RAD51B: variants seen among roughly 807,000 people sequenced by gnomAD.
The protein encoded by RAD51B is DNA repair protein RAD51 homolog 2.
Under a neutral mutation model 42.2 loss-of-function variants are expected in RAD51B, and 38 were observed. That is an observed-to-expected ratio of 0.90 (90% CI 0.70 to 1.18). RAD51B has a LOEUF of 1.18. Among genes scored for constraint, RAD51B ranks in the 50% most tolerant of loss-of-function variants. The pLI, the probability that RAD51B is intolerant of heterozygous loss-of-function variation, is 0.00. For missense variants in RAD51B, 373 were observed against 400.7 expected, an observed-to-expected ratio of 0.93 and a Z score of 0.59; for synonymous variants, 154 against 145.2, an observed-to-expected ratio of 1.06 and a Z score of -0.43.
At chr14:68,106,876 C>A (rs1035200651) in intron 7 of RAD51B, among the ~76,000 whole-genome samples, 38 of 151,976 alleles carry the variant, frequency 2.5e-4, no homozygotes, top group Non-Finnish European at 5.0e-4. Flanking sequence ...GTTAACAAGA[C>A]AAAGTCCTGG....
intron 9 of RAD51B, among the ~76,000 whole-genome samples, chr14:68,435,006 A>C (rs2085111528): frequency 1.3e-5 from 2 of 152,308 alleles, no homozygotes; most frequent in African/African-American, 4.8e-5. Context: ...CTTTGGGATA[A>C]GTTTACAAGT....
intron 10 of RAD51B, among the ~76,000 whole-genome samples, chr14:68,489,555 C>T (rs1883907218): frequency 6.6e-6 from 1 of 152,178 alleles, no homozygotes; most frequent in South Asian, 2.1e-4. Context: ...AACCCACTTG[C>T]CTTTTTTACC....
chr14:68,250,336 C>G (rs754946779), intron 7 of RAD51B, among the ~76,000 whole-genome samples: 34 of 152,118 alleles, frequency 2.2e-4, no homozygotes, highest in Non-Finnish European at 4.4e-4. Context: ...ACTATGCAGG[C>G]TATGCTTTTA....
chr14:67,867,813 A>T (rs887150230), intron 5 of RAD51B, among the ~76,000 whole-genome samples: 4 of 152,202 alleles, frequency 2.6e-5, no homozygotes, highest in Non-Finnish European at 4.4e-5. Flanking sequence ...AAAAAGGACT[A>T]TGTTGTAGCT....
intron 10 of RAD51B, among the ~76,000 whole-genome samples, chr14:68,588,914 A>AT (rs1400822884): frequency 6.6e-6 from 1 of 152,184 alleles, no homozygotes; most frequent in Non-Finnish European, 1.5e-5. Flanking sequence ...TGCTGGGCTG[A>AT]TTTTGCAAAG....
intron 4 of RAD51B, among the ~76,000 whole-genome samples, chr14:67,858,805 C>T (rs551455473): frequency 5.9e-5 from 9 of 152,188 alleles, no homozygotes; most frequent in Non-Finnish European, 1.2e-4. Context: ...TGCCTCCTGT[C>T]GCTATCATTA....
At chr14:68,624,198 C>G in intron 10 of RAD51B, among the ~76,000 whole-genome samples, 1 of 152,202 alleles carries the variant, frequency 6.6e-6, no homozygotes, top group South Asian at 2.1e-4. Flanking sequence ...CTGATTTCAG[C>G]ACATGTTTGA....
chr14:68,241,300 C>CG (rs2080379717), intron 7 of RAD51B, among the ~76,000 whole-genome samples: 1 of 152,124 alleles, frequency 6.6e-6, no homozygotes, highest in South Asian at 2.1e-4. Flanking sequence ...CCCAGCACTT[C>CG]GGGAGGCCTA....
chr14:68,278,127 A>G (rs7151587), intron 7 of RAD51B, among the ~76,000 whole-genome samples: 3,948 of 152,268 alleles, frequency 0.026, 99 homozygotes, highest in African/African-American at 0.058. Flanking sequence ...TTTCTCTCCT[A>G]TGAAATAGGC....
intron 10 of RAD51B, among the ~76,000 whole-genome samples, chr14:68,618,841 C>T (rs561389326): frequency 4.6e-5 from 7 of 152,304 alleles, no homozygotes; most frequent in South Asian, 4.1e-4. Flanking sequence ...CCTCCACCTT[C>T]CCTACCTTTT....
chr14:68,570,620 C>T (rs933107932), intron 10 of RAD51B, among the ~76,000 whole-genome samples: 1 of 152,182 alleles, frequency 6.6e-6, no homozygotes, highest in Non-Finnish European at 1.5e-5. Flanking sequence ...GGGTCCAGTG[C>T]CCTTGGCAGC....
chr14:68,659,739 G>T (rs2140144868), intron 11 of RAD51B, among the ~76,000 whole-genome samples: 1 of 152,336 alleles, frequency 6.6e-6, no homozygotes, highest in East Asian at 1.9e-4. Flanking sequence ...GACGGCAGCT[G>T]CTGGGGCCCT....
At chr14:68,230,940 G>C (rs994560620) in intron 7 of RAD51B, among the ~76,000 whole-genome samples, 3 of 152,138 alleles carry the variant, frequency 2.0e-5, no homozygotes, top group Non-Finnish European at 4.4e-5. Flanking sequence ...CCAGTCATTG[G>C]AGTTAAACTG....
At chr14:68,233,306 T>G (rs910732139) in intron 7 of RAD51B, among the ~76,000 whole-genome samples, 2 of 152,208 alleles carry the variant, frequency 1.3e-5, no homozygotes, top group African/African-American at 4.8e-5. Context: ...AGAGGCCACA[T>G]TCACAGGACT....
intron 10 of RAD51B, among the ~76,000 whole-genome samples, chr14:68,621,206 G>A (rs926395227): frequency 1.3e-3 from 193 of 152,144 alleles, no homozygotes; most frequent in African/African-American, 3.9e-3. Flanking sequence ...ATCCATTCAT[G>A]ATGGCAGCTC....
intron 7 of RAD51B, among the ~76,000 whole-genome samples, chr14:68,063,792 T>C (rs1319142496): frequency 6.6e-6 from 1 of 152,202 alleles, no homozygotes; most frequent in African/African-American, 2.4e-5. Flanking sequence ...AGGAAGCATA[T>C]AGTCGGATCT....
downstream of RAD51B, among the ~76,000 whole-genome samples, chr14:68,481,157 C>T (rs1329659538): frequency 1.3e-5 from 2 of 152,168 alleles, no homozygotes; most frequent in Admixed American, 1.3e-4. Flanking sequence ...TCTTGTAGTG[C>T]TCTCAGCCAC....
chr14:68,017,490 C>T (rs1309548442), intron 7 of RAD51B, among the ~76,000 whole-genome samples: 1 of 152,060 alleles, frequency 6.6e-6, no homozygotes, highest in Non-Finnish European at 1.5e-5. Context: ...GCCACCACAC[C>T]CAGCCTATCT....
intron 9 of RAD51B, among the ~76,000 whole-genome samples, chr14:68,447,472 C>T (rs1227289305): frequency 8.9e-6 from 1 of 112,564 alleles, no homozygotes; most frequent in Admixed American, 1.0e-4. Flanking sequence ...TATTATTCAC[C>T]TCCACCACAG....
Sources: allele counts gnomAD v4.1 joint callset (sites outside exome capture counted in the v4.1 genomes callset), GRCh38; gene constraint gnomAD v4.1.1; transcripts MANE v1.5; gene names NCBI Gene and HGNC (gene_info 2026-07-23, HGNC 2026-07-21).